The following RANBP2 variants were observed in gnomAD, a reference collection of about 807,000 sequenced individuals.
RANBP2 encodes E3 SUMO-protein ligase RanBP2.
Under a neutral mutation model 303.6 loss-of-function variants are expected in RANBP2, and 57 were observed. That is an observed-to-expected ratio of 0.19 (90% CI 0.15 to 0.23). The LOEUF (loss-of-function observed/expected upper bound fraction) is 0.23. Among genes scored for constraint, RANBP2 ranks in the 10% least tolerant of loss-of-function variants. RANBP2 has a pLI of 1.00. For missense variants in RANBP2, 3,138 were observed against 3,780.8 expected (o/e 0.83, Z 4.46); for synonymous variants, 1,167 against 1,301.5 (o/e 0.90, Z 2.23).
the RANBP2 span, among the ~76,000 whole-genome samples, chr2:109,071,294 G>C: frequency 6.6e-6 from 1 of 152,226 alleles, no homozygotes; most frequent in African/African-American, 2.4e-5. Context: ...AGATATGGAA[G>C]ACTGGGAGGG....
the RANBP2 span, among the ~76,000 whole-genome samples, chr2:109,094,209 G>A: frequency 6.6e-6 from 1 of 152,138 alleles, no homozygotes. Context: ...TATCATGGGG[G>A]ATGGGCTGAT....
the RANBP2 span, chr2:108,911,021 G>A: frequency 2.5e-6 from 4 of 1,614,044 alleles, no homozygotes; most frequent in Middle Eastern, 1.6e-4. Context: ...GATGAAGATG[G>A]TGGACATTGC....
At chr2:108,892,092 A>G in the RANBP2 span, among the ~76,000 whole-genome samples, 1 of 152,062 alleles carries the variant, frequency 6.6e-6, no homozygotes, top group Admixed American at 6.5e-5. Flanking sequence ...GGCCCCAGGC[A>G]GAGTGCTCAG....
At chr2:108,934,327 C>G in the RANBP2 span, among the ~76,000 whole-genome samples, 1 of 152,112 alleles carries the variant, frequency 6.6e-6, no homozygotes, top group East Asian at 1.9e-4. Context: ...CCACTGGGCG[C>G]TGGGGGGCTG....
chr2:108,860,936 T>TTTTTTTG, the RANBP2 span, among the ~76,000 whole-genome samples: 1 of 66,350 alleles, frequency 1.5e-5, no homozygotes, highest in Non-Finnish European at 2.5e-5. Context: ...GGTCCAGGAC[T>TTTTTTTG]TTTTTTTTTT....
the RANBP2 span, among the ~76,000 whole-genome samples, chr2:109,732,458 T>A: frequency 6.6e-6 from 1 of 151,348 alleles, no homozygotes; most frequent in Non-Finnish European, 1.5e-5. Context: ...CCTCTTTCAG[T>A]ATGAACCACA....
the RANBP2 span, among the ~76,000 whole-genome samples, chr2:109,603,883 C>T: frequency 9.9e-5 from 15 of 151,970 alleles, no homozygotes; most frequent in South Asian, 2.1e-4. Flanking sequence ...AATTTTAAGC[C>T]GGGCACGGTG....
chr2:108,793,073 C>A, the RANBP2 span, among the ~76,000 whole-genome samples: 3 of 137,146 alleles, frequency 2.2e-5, no homozygotes, highest in Admixed American at 7.4e-5. Flanking sequence ...AAAAAAAAAG[C>A]AAGGCCGGGC....
the RANBP2 span, chr2:109,614,179 G>A: frequency 1.7e-6 from 2 of 1,164,786 alleles, no homozygotes; most frequent in Non-Finnish European, 2.1e-6. Flanking sequence ...GCGGAGCAGT[G>A]ATTGCGGCCC....
chr2:109,464,477 T>A, the RANBP2 span, among the ~76,000 whole-genome samples: 4 of 152,330 alleles, frequency 2.6e-5, no homozygotes, highest in Non-Finnish European at 5.9e-5. Flanking sequence ...TGTAAACATC[T>A]GTACACATAT....
At chr2:109,125,590 C>G in the RANBP2 span, among the ~76,000 whole-genome samples, 2 of 152,128 alleles carry the variant, frequency 1.3e-5, no homozygotes, top group Non-Finnish European at 2.9e-5. Flanking sequence ...TGACCACCCC[C>G]CACCTTAACT....
the RANBP2 span, among the ~76,000 whole-genome samples, chr2:109,467,243 A>G: frequency 1.3e-5 from 2 of 152,252 alleles, no homozygotes; most frequent in African/African-American, 4.8e-5. Flanking sequence ...CCAGATGCCA[A>G]TCAGCTGATG....
chr2:109,265,242 A>G, the RANBP2 span, among the ~76,000 whole-genome samples: 58 of 152,206 alleles, frequency 3.8e-4, 3 homozygotes, highest in Non-Finnish European at 2.9e-5. Flanking sequence ...TTAAAGGGCC[A>G]AGGCAGGACA....
chr2:109,455,303 G>A, the RANBP2 span, among the ~76,000 whole-genome samples: 1 of 152,074 alleles, frequency 6.6e-6, no homozygotes, highest in Non-Finnish European at 1.5e-5. Context: ...GGTCCACATT[G>A]GACCCAGCCA....
the RANBP2 span, among the ~76,000 whole-genome samples, chr2:109,312,514 A>T: frequency 1.3e-5 from 2 of 152,010 alleles, no homozygotes; most frequent in African/African-American, 4.8e-5. Context: ...CTCTCTACCC[A>T]TCAGCAGCCA....
At chr2:109,087,114 G>C in the RANBP2 span, among the ~76,000 whole-genome samples, 1 of 152,168 alleles carries the variant, frequency 6.6e-6, no homozygotes, top group South Asian at 2.1e-4. Flanking sequence ...AATTGTCCCT[G>C]GGCCAGAAAG....
chr2:108,989,621 G>A, the RANBP2 span, among the ~76,000 whole-genome samples: 1 of 151,896 alleles, frequency 6.6e-6, no homozygotes, highest in Non-Finnish European at 1.5e-5. Flanking sequence ...CATCCCTCAG[G>A]GTTTGAGCCA....
the RANBP2 span, among the ~76,000 whole-genome samples, chr2:109,325,864 C>T: frequency 6.6e-6 from 1 of 152,200 alleles, no homozygotes; most frequent in Admixed American, 6.5e-5. Flanking sequence ...CAAATCACTC[C>T]TGGGAAAAAG....
At chr2:109,354,235 G>A in the RANBP2 span, among the ~76,000 whole-genome samples, 8 of 152,198 alleles carry the variant, frequency 5.3e-5, no homozygotes, top group East Asian at 9.6e-4. Context: ...TGCCGCCAAC[G>A]GATACTGCCT....
Sources: gnomAD v4.1 joint callset for allele counts (sites outside exome capture counted in the v4.1 genomes callset) on GRCh38, gnomAD v4.1.1 for gene constraint, MANE v1.5 for transcripts, NCBI Gene and HGNC (gene_info 2026-07-23, HGNC 2026-07-21) for gene names.